Variants in CDH2 observed in about 807,000 individuals in gnomAD.
CDH2 encodes cadherin 2, also known as cadherin-2.
CDH2 carries 17 observed loss-of-function variants against 92.0 expected under a neutral mutation model. The ratio of observed to expected loss-of-function variants is 0.18; its 90% CI spans 0.13 to 0.28. The LOEUF is 0.28. CDH2 is among the 10% of genes least tolerant of loss of function. The pLI, the probability that CDH2 is intolerant of heterozygous loss-of-function variation, is 1.00. For synonymous variants in CDH2, 419 were observed against 415.9 expected (o/e 1.01, Z -0.09); for missense variants, 862 against 1,133.1 (o/e 0.76, Z 3.44).
intron 14 of CDH2, among the ~76,000 whole-genome samples, chr18:27,969,140 T>G (rs1204072225): frequency 6.6e-6 from 1 of 152,212 alleles, no homozygotes; most frequent in Admixed American, 6.5e-5. Context: ...CTAAGTAGAT[T>G]CCATGGATTA....
chr18:27,949,767 T>A (rs4800835), downstream of CDH2, among the ~76,000 whole-genome samples: 60,161 of 151,644 alleles, frequency 0.4, 13,408 homozygotes, highest in Middle Eastern at 0.57. Flanking sequence ...CTAGTTTTTT[T>A]AATATAAAAA....
At chr18:27,937,467 CAT>C (rs1485535128) in intron 6 of CDH2, among the ~76,000 whole-genome samples, 3 of 152,096 alleles carry the variant, frequency 2.0e-5, no homozygotes, top group Admixed American at 6.5e-5. Context: ...GTAACAAAAA[CAT>C]GTGCAAAATA....
intron 2 of CDH2, among the ~76,000 whole-genome samples, chr18:28,083,038 A>G (rs2144194066): frequency 6.6e-6 from 1 of 152,326 alleles, no homozygotes; most frequent in East Asian, 1.9e-4. Flanking sequence ...GAATGTTGAT[A>G]TTCAATTTCC....
At position 27,990,135 on chromosome 18, in the gene CDH2, A is replaced by T; in HGVS notation, c.1560T>A (p.Thr520=). The change falls in exon 10 of 16, where the codon ACT becomes ACA. Residue 520 remains threonine (T), a synonymous_variant. Transcript: ENST00000269141. Reference sequence around the variant, plus strand: ...GCATATATCGATCTGGGTCCTGAGCAGTGAATGTTGTCAACATGGTACCGG... The same window carrying T: ...GCATATATCGATCTGGGTCCTGAGCTGTGAATGTTGTCAACATGGTACCGG... ...LHAGTMLTTF[T]AQDPDRYMQQ... 6.8e-6 allele frequency: 11 copies of T among 1,614,072 alleles called. No homozygotes were observed. The highest frequency in any genetic ancestry group is 8.5e-6 in the Non-Finnish European group (10 of 1,179,908).
chr18:27,984,794 T>C (rs945366488), intron 13 of CDH2, among the ~76,000 whole-genome samples: 1 of 152,228 alleles, frequency 6.6e-6, no homozygotes, highest in African/African-American at 2.4e-5. Context: ...TGAGGCAGCT[T>C]GTTGCAAACA....
intron 2 of CDH2, among the ~76,000 whole-genome samples, chr18:28,088,949 AG>A (rs2014987362): frequency 6.6e-6 from 1 of 152,212 alleles, no homozygotes; most frequent in African/African-American, 2.4e-5. Context: ...ATTAATATCT[AG>A]ATTATTACAC....
chr18:27,976,360 A>G (rs1051107194), intron 14 of CDH2, among the ~76,000 whole-genome samples: 2 of 152,190 alleles, frequency 1.3e-5, no homozygotes, highest in African/African-American at 4.8e-5. Context: ...GAGTTCTCAC[A>G]GCAGCCCAAG....
chr18:28,164,959 C>G (rs144031630), intron 1 of CDH2, among the ~76,000 whole-genome samples: 147 of 152,206 alleles, frequency 9.7e-4, no homozygotes, highest in African/African-American at 3.2e-3. Flanking sequence ...CAAGTGTGGT[C>G]GATGGAACAC....
rs745388973 is a variant in CDH2 at position 28,141,723 on chromosome 18, T to A, written c.172+5950A>T. ...TTTGAAAGTCAGATCATGTTTTACC[T>A]CTACTGAAAGCCTTCCAATAGATCA... On this transcript the variant is annotated intron_variant, in intron 2 of 15. Transcript: ENST00000269141. Among the ~76,000 whole-genome samples, 3 of 152,008 alleles carry A rather than the reference T, an allele frequency of 2.0e-5. No homozygotes were observed. The East Asian group carries it at 5.8e-4, about 29-fold the overall frequency.
intron 2 of CDH2, among the ~76,000 whole-genome samples, chr18:28,025,970 T>C (rs1328860726): frequency 3.3e-5 from 5 of 152,174 alleles, no homozygotes; most frequent in Admixed American, 3.3e-4. Flanking sequence ...ATTATTATAT[T>C]ACCTAATTAA....
intron 1 of CDH2, among the ~76,000 whole-genome samples, chr18:28,155,985 A>T (rs183485046): frequency 1.1e-4 from 16 of 152,266 alleles, no homozygotes; most frequent in Admixed American, 8.5e-4. Context: ...AACAGCTGCA[A>T]TATTTTTGTT....
In CDH2 at chr18:28,043,461, A is replaced by AATATATAT. The variant is rs1158754890; in HGVS notation, c.173-29560_173-29553dup. ...ACCCTAAAAATTACTGATATAAATAAATATATATATATATATATATATATA... is the reference window on the plus strand; with the variant it reads ...ACCCTAAAAATTACTGATATAAATAAATATATATATATATATATATATATATATATATA... On this transcript the variant is annotated intron_variant, in intron 2 of 15. Coordinates refer to ENST00000269141, the MANE Select transcript of CDH2 (RefSeq NM_001792.5). 2.0e-3 allele frequency among the ~76,000 whole-genome samples: 141 copies of AATATATAT among 71,910 alleles called. 1 individual carries two copies. The highest frequency in any genetic ancestry group is 8.1e-3 in the Middle Eastern group (1 of 124). 47.2% of individuals were successfully genotyped at this position (71,910 alleles called of 152,430 possible). A position where few individuals can be genotyped will look rare whatever the true frequency, so the allele number is the denominator to read the frequency against.
intron 1 of CDH2, among the ~76,000 whole-genome samples, chr18:28,174,144 C>CAATTATATTT (rs911486220): frequency 2.0e-5 from 3 of 151,736 alleles, no homozygotes; most frequent in Non-Finnish European, 4.4e-5. Flanking sequence ...TTTGAATATT[C>CAATTATATTT]AATTATATTT....
chr18:28,037,235 T>A (rs1358631357), intron 2 of CDH2, among the ~76,000 whole-genome samples: 1 of 152,174 alleles, frequency 6.6e-6, no homozygotes, highest in Non-Finnish European at 1.5e-5. Context: ...TGAAAGATGC[T>A]CTAAGTGCAA....
chr18:27,967,462 C>T (rs186084329), intron 14 of CDH2, among the ~76,000 whole-genome samples: 2 of 152,238 alleles, frequency 1.3e-5, no homozygotes, highest in East Asian at 3.9e-4. Flanking sequence ...ATCTTCTCAA[C>T]GTCATTGGGT....
rs524894 is a variant in CDH2, at chr18:28,010,246, C to T, written c.547-374G>A. ...TTTCATTAAAATAAACATTATTTAC[C>T]TTTTTGCATCAGTAACAACAAGAAT... On this transcript the variant is annotated intron_variant, in intron 4 of 15. Transcript: ENST00000269141. Among the ~76,000 whole-genome samples the T allele has an allele frequency of 9.7e-3, 1,474 of 152,118 alleles. 25 individuals are homozygous for T. The highest frequency in any genetic ancestry group is 0.034 in the African/African-American group (1,423 of 41,484).
At chr18:27,958,601 ATATT>A (rs1008941650) in intron 15 of CDH2, among the ~76,000 whole-genome samples, 10 of 150,800 alleles carry the variant, frequency 6.6e-5, no homozygotes, top group Non-Finnish European at 1.0e-4. Flanking sequence ...AAATAAGTGT[ATATT>A]TATATATGTA....
At chr18:27,960,627 C>T (rs142759358) in intron 15 of CDH2, among the ~76,000 whole-genome samples, 1 of 152,172 alleles carries the variant, frequency 6.6e-6, no homozygotes, top group Non-Finnish European at 1.5e-5. Flanking sequence ...GAATCGATGT[C>T]TAATTTATGC....
At chr18:27,986,163 T>C (rs1467391588) in intron 11 of CDH2, among the ~76,000 whole-genome samples, 2 of 152,168 alleles carry the variant, frequency 1.3e-5, no homozygotes, top group Non-Finnish European at 2.9e-5. Context: ...CCAAGACATA[T>C]GCATGAAAGA....
Sources: gnomAD v4.1 joint callset for allele counts (sites outside exome capture counted in the v4.1 genomes callset) on GRCh38, gnomAD v4.1.1 for gene constraint, MANE v1.5 for transcripts, NCBI Gene and HGNC (gene_info 2026-07-23, HGNC 2026-07-21) for gene names.